The following CAMSAP1 variants were observed in gnomAD, a reference collection of about 807,000 sequenced individuals.
CAMSAP1 encodes calmodulin-regulated spectrin-associated protein 1.
A neutral mutation model predicts 143.5 loss-of-function variants in CAMSAP1; 58 were observed. The observed-to-expected ratio is 0.40, with a 90% CI of 0.33 to 0.50. The LOEUF is 0.50. CAMSAP1 is among the 20% of genes least tolerant of loss of function. The probability of loss-of-function intolerance (pLI) is 0.45; values close to 1 mark genes in which losing one functional copy is unlikely to be tolerated. For synonymous variants in CAMSAP1, 945 were observed against 859.3 expected (o/e 1.10, Z -1.74); for missense variants, 1,969 against 2,115.7 (o/e 0.93, Z 1.36).
At chr9:135,837,726 C>T (rs889157122) in intron 7 of CAMSAP1, among the ~76,000 whole-genome samples, 9 of 143,420 alleles carry the variant, frequency 6.3e-5, no homozygotes, top group Non-Finnish European at 1.1e-4. Context: ...TACAGACACA[C>T]ATCATCATGC....
chr9:135,864,858 T>C lies in CAMSAP1; in HGVS notation c.666+1598A>G, dbSNP rs7862492. Among the ~76,000 whole-genome samples, 876 of 152,288 alleles carry C rather than the reference T, an allele frequency of 5.8e-3. 7 individuals are homozygous for C. Among genetic ancestry groups the C allele is most frequent in the Non-Finnish European group, 5.3e-3 (358 of 68,016 alleles). On this transcript the variant is annotated intron_variant, in intron 4 of 16. Coordinates refer to ENST00000389532, the MANE Select transcript of CAMSAP1 (RefSeq NM_015447.4). ...AGGAGGAGAACAGAGGAATCTGACATGCTGGTGAGAGCCCCTCTCTGCAGC... is the reference window on the plus strand; with the variant it reads ...AGGAGGAGAACAGAGGAATCTGACACGCTGGTGAGAGCCCCTCTCTGCAGC...
intron 15 of CAMSAP1, 97 bp from the exon 16 acceptor site, chr9:135,815,312 A>G (rs1835191205): frequency 1.6e-6 from 1 of 617,862 alleles, no homozygotes; most frequent in Non-Finnish European, 2.8e-6. Context: ...AGCAATGGGT[A>G]GGCTGAATTA....
At chr9:135,884,957 A>G (rs1838077251) in intron 1 of CAMSAP1, among the ~76,000 whole-genome samples, 1 of 152,170 alleles carries the variant, frequency 6.6e-6, no homozygotes, top group African/African-American at 2.4e-5. Context: ...GGGATCCCAT[A>G]ACCTGAAAAC....
chr9:135,871,008 T>TGA (rs1837554824), intron 3 of CAMSAP1, among the ~76,000 whole-genome samples: 2 of 152,166 alleles, frequency 1.3e-5, no homozygotes, highest in African/African-American at 2.4e-5. Context: ...GAAAAGACTG[T>TGA]GAAAATACTA....
chr9:135,850,114 C>T (rs377749328), intron 7 of CAMSAP1, 23 bp downstream of exon 7: 38 of 1,581,270 alleles, frequency 2.4e-5, no homozygotes, highest in Non-Finnish European at 3.3e-5. Context: ...CCATTGCCAA[C>T]CTGGGGAATA....
chr9:135,823,813 A>T (rs1835574644), intron 10 of CAMSAP1, 137 bp downstream of exon 10: 1 of 677,948 alleles, frequency 1.5e-6, no homozygotes, highest in Non-Finnish European at 2.5e-6. Flanking sequence ...TAGTGTTGTT[A>T]TAAAAATAAT....
intron 1 of CAMSAP1, among the ~76,000 whole-genome samples, chr9:135,891,591 G>C (rs1481913818): frequency 6.6e-6 from 1 of 152,150 alleles, no homozygotes; most frequent in Non-Finnish European, 1.5e-5. Flanking sequence ...GTTATCCAAA[G>C]GACTTTAACA....
At chr9:135,841,837 C>T (rs1836363364) in intron 7 of CAMSAP1, among the ~76,000 whole-genome samples, 1 of 152,196 alleles carries the variant, frequency 6.6e-6, no homozygotes, top group South Asian at 2.1e-4. Context: ...AAAACCCCAT[C>T]CAAAGGTCAC....
At chr9:135,883,715 C>G (rs144690478) in intron 1 of CAMSAP1, among the ~76,000 whole-genome samples, 2 of 152,234 alleles carry the variant, frequency 1.3e-5, no homozygotes, top group Admixed American at 6.5e-5. Flanking sequence ...GCATCAAACT[C>G]TTGACATGAA....
intron 1 of CAMSAP1, among the ~76,000 whole-genome samples, chr9:135,885,732 T>C (rs1838100361): frequency 1.3e-5 from 2 of 152,240 alleles, no homozygotes. Flanking sequence ...TATATGAATA[T>C]GCATAACACA....
Position 135,818,713 on chromosome 9 carries a change from C to A in CAMSAP1, c.3960-97G>T. The A allele has an allele frequency of 7.2e-7, 1 of 1,398,070 alleles. No individual in the cohort carries two copies. The highest frequency in any genetic ancestry group is 9.6e-7 in the Non-Finnish European group (1 of 1,042,508). 86.6% of individuals were successfully genotyped at this position (1,398,070 alleles called of 1,614,324 possible). A position where few individuals can be genotyped will look rare whatever the true frequency, so the allele number is the denominator to read the frequency against. On this transcript the variant is annotated intron_variant, in intron 12 of 16. Coordinates refer to ENST00000389532, the MANE Select transcript of CAMSAP1 (RefSeq NM_015447.4). This position sits in a 1 kb window ranked among gnomAD's most constrained non-coding sequence, Gnocchi z 7.7. ...TGTCCAGGCGCGTTTCTCGGGTTCT[C>A]CCCGGCCGCTGGGACCAAGAGTGGC...
chr9:135,850,210 C>T lies in CAMSAP1; in HGVS notation c.972G>A (p.Ala324=), dbSNP rs774480060. The T allele has an allele frequency of 2.5e-6, 4 of 1,612,810 alleles. No individual in the cohort carries two copies. The highest frequency in any genetic ancestry group is 1.1e-5 in the South Asian group (1 of 90,962). The part of the protein sequence containing the change: ...VLKPNVMVFI[A]ELFWWFENVK... Reference sequence around the variant, plus strand: ...CATTCTCGAACCACCAAAAAAGCTCCGCAATAAAAACCATAACATTCGGCT... The same window carrying T: ...CATTCTCGAACCACCAAAAAAGCTCTGCAATAAAAACCATAACATTCGGCT... The change falls in exon 7 of 17, where the codon GCG becomes GCA. Residue 324 remains alanine, a synonymous_variant. Coordinates refer to ENST00000389532, the MANE Select transcript of CAMSAP1 (RefSeq NM_015447.4).
At chr9:135,823,314 C>CA in intron 10 of CAMSAP1, 54 bp from the exon 11 acceptor site, 1 of 1,504,966 alleles carries the variant, frequency 6.6e-7, no homozygotes, top group Non-Finnish European at 8.8e-7. Context: ...CAAAGACCCC[C>CA]AACATGGACC....
Position 135,817,992 on chromosome 9 carries a change from C to A in CAMSAP1, c.4256G>T (p.Gly1419Val). The change falls in exon 14 of 17, where the codon GGC becomes GTC. Residue 1419 changes from glycine to valine, a missense_variant. Physicochemically the swap from Gly to Val is moderately radical, Grantham distance 109. Around this residue, in one of 4 missense-constraint regions of CAMSAP1, gnomAD observed 1,390 missense variants for 1,420.8 expected, o/e 0.98. Coordinates refer to ENST00000389532, the MANE Select transcript of CAMSAP1 (RefSeq NM_015447.4). ...GGCCCCTTACCGCTGAGAGGGTGTG[C>A]CCCCGGAATGAACGCTCTCGGGTTC... ...TTEPESVHSG[G>V]TPSQRVESME... 6.2e-7 allele frequency: 1 copy of A among 1,613,882 alleles called. No homozygotes were observed. Among genetic ancestry groups the A allele is most frequent in the Non-Finnish European group, 8.5e-7 (1 of 1,179,852 alleles).
At chr9:135,827,778 A>G (rs1443802720) in intron 7 of CAMSAP1, among the ~76,000 whole-genome samples, 194 bp from the exon 8 acceptor site, 1 of 152,268 alleles carries the variant, frequency 6.6e-6, no homozygotes, top group Non-Finnish European at 1.5e-5. Flanking sequence ...AGTAAATACT[A>G]ACATTAAAAG....
chr9:135,818,969 G>T lies in CAMSAP1; in HGVS notation c.3959+41C>A, dbSNP rs148787447. 4.4e-6 allele frequency: 7 copies of T among 1,595,692 alleles called. No individual in the cohort carries two copies. The East Asian group carries it at 1.4e-4, about 31-fold the overall frequency. On this transcript the variant is annotated intron_variant, in intron 12 of 16. Transcript: ENST00000389532. This position sits in a 1 kb window ranked among gnomAD's most constrained non-coding sequence, Gnocchi z 7.7. ...ACCGGGGCCGCCAGGGACCCACCAG[G>T]CTCCTGCTCAGTCTGCTTTCCCCCC... is the stretch of plus-strand genomic sequence containing the variant.
Position 135,811,356 on chromosome 9 carries a change from G to A in CAMSAP1, c.4762C>T (p.Gln1588Ter). The A allele has an allele frequency of 1.2e-6, 2 of 1,613,124 alleles. No individual in the cohort carries two copies. Among genetic ancestry groups the A allele is most frequent in the Non-Finnish European group, 1.7e-6 (2 of 1,179,542 alleles). Residue 1588 changes from glutamine to a stop codon, truncating the protein, a stop_gained, in exon 17 of 17, where the codon CAG becomes TAG. Coordinates refer to ENST00000389532, the MANE Select transcript of CAMSAP1 (RefSeq NM_015447.4). LOFTEE classifies it high-confidence loss of function. The surrounding 1 kb of genome is among the most constrained non-coding windows in gnomAD (Gnocchi z 4.9). ...DALTIHNHLW[Q>*]PKRPAVPKKA... ...TTTGGCACTGCAGGCCGCTTGGGCT[G>A]CCACAGGTGGTTGTGGATTGTGAGT... is the stretch of plus-strand genomic sequence containing the variant.
Position 135,816,009 on chromosome 9 carries a change from C to T in CAMSAP1, c.4272-4G>A. 1 of 1,612,764 alleles carries T rather than the reference C, an allele frequency of 6.2e-7. No homozygotes were observed. The highest frequency in any genetic ancestry group is 8.5e-7 in the Non-Finnish European group (1 of 1,179,510). ...CAGGGCTTCCATCGATTCCACTCTG[C>T]AGGCAGAAACAGACAAGAGACAGGC... is the stretch of plus-strand genomic sequence containing the variant. On this transcript the variant is annotated splice_polypyrimidine_tract_variant and splice_region_variant and intron_variant, in intron 14 of 16. Transcript: ENST00000389532.
At chr9:135,904,291 C>G (rs969909478) in intron 1 of CAMSAP1, among the ~76,000 whole-genome samples, 3 of 147,250 alleles carry the variant, frequency 2.0e-5, no homozygotes, top group Admixed American at 6.9e-5. Context: ...CCCAACTACT[C>G]GGGAGGCTGA....
Sources: allele counts gnomAD v4.1 joint callset (sites outside exome capture counted in the v4.1 genomes callset), GRCh38; gene constraint gnomAD v4.1.1; regional missense constraint gnomAD v4.1.1; non-coding constraint Gnocchi (gnomAD v3.1); transcripts MANE v1.5; gene names NCBI Gene and HGNC (gene_info 2026-07-23, HGNC 2026-07-21).